The following FRYL variants were observed in gnomAD, a reference collection of about 807,000 sequenced individuals.
FRYL encodes FRY like transcription coactivator.
A neutral mutation model predicts 351.2 loss-of-function variants in FRYL; 150 were observed. The observed-to-expected ratio is 0.43, with a 90% confidence interval of 0.37 to 0.49. FRYL has a LOEUF of 0.49. FRYL is among the 20% of genes least tolerant of loss of function. FRYL has a pLI of 0.00. For synonymous variants in FRYL, 1,153 were observed against 1,257.1 expected, an observed-to-expected ratio of 0.92 and a Z score of 1.75; for missense variants, 3,036 against 3,619.3, an observed-to-expected ratio of 0.84 and a Z score of 4.13.
intron 1 of FRYL, among the ~76,000 whole-genome samples, chr4:48,756,820 C>T (rs756662839): frequency 1.6e-4 from 25 of 152,208 alleles, no homozygotes; most frequent in South Asian, 8.3e-4. Flanking sequence ...TGGTGGCACA[C>T]GCCTGTAGTC....
chr4:48,537,366 G>GT lies in FRYL; in HGVS notation c.6394-1540dup, dbSNP rs1729115543. Among the ~76,000 whole-genome samples, 5 of 152,268 alleles carry GT rather than the reference G, an allele frequency of 3.3e-5. No homozygotes were observed. In the South Asian group the frequency reaches 1.0e-3, roughly 32 times the overall value. ...CAGGTTAAAATACGATCCAAAAAGA[G>GT]TGTGTTTTATAACAAACTTTTTTAG... is the stretch of plus-strand genomic sequence containing the variant. On this transcript the variant is annotated intron_variant, in intron 47 of 63. Transcript: ENST00000358350.
At chr4:48,594,289 C>T (rs1190698332) in intron 15 of FRYL, among the ~76,000 whole-genome samples, 1 of 151,934 alleles carries the variant, frequency 6.6e-6, no homozygotes, top group Non-Finnish European at 1.5e-5. Flanking sequence ...TGAAAGAATT[C>T]CCAGGGTGAC....
Position 48,557,160 on chromosome 4 carries a change from CTAT to C in FRYL, c.4126-45_4126-43del, listed in dbSNP as rs745890708. 9.7e-6 allele frequency: 15 copies of C among 1,543,010 alleles called. No individual in the cohort carries two copies. The African/African-American group carries it at 2.1e-4, about 21-fold the overall frequency. ...CAAAAGATACTTCAGTCATGACTGC[CTAT>C]TATAAAAACCAAACTTGTCATACCA... On this transcript the variant is annotated intron_variant, in intron 34 of 63. Coordinates refer to ENST00000358350, the MANE Select transcript of FRYL (RefSeq NM_015030.2).
intron 19 of FRYL, 96 bp downstream of exon 19, chr4:48,586,525 C>A: frequency 1.3e-6 from 1 of 776,682 alleles, no homozygotes; most frequent in South Asian, 1.5e-5. Flanking sequence ...ATGTCTTTAA[C>A]ATCGCCTTTT....
intron 1 of FRYL, among the ~76,000 whole-genome samples, chr4:48,743,508 T>A (rs765330432): frequency 2.0e-5 from 3 of 152,182 alleles, no homozygotes; most frequent in Non-Finnish European, 4.4e-5. Flanking sequence ...CTCTCACTGG[T>A]AATACCAAGA....
chr4:48,715,445 G>A (rs1768678660), intron 1 of FRYL, among the ~76,000 whole-genome samples: 2 of 152,134 alleles, frequency 1.3e-5, no homozygotes, highest in South Asian at 2.1e-4. Context: ...CAAAATCAAT[G>A]TACAAAAATC....
intron 49 of FRYL, among the ~76,000 whole-genome samples, chr4:48,531,748 CTT>C (rs1432251712): frequency 6.6e-6 from 1 of 152,138 alleles, no homozygotes; most frequent in Non-Finnish European, 1.5e-5. Flanking sequence ...TATTTTAAGT[CTT>C]TGCAGATAAA....
rs1461132938 is a variant in FRYL at position 48,534,558 on chromosome 4, C to G, written c.6692G>C (p.Gly2231Ala). ...GTGGTCACTCACCTGTACATATTTGCCAATAATCTTTATGATCTCCAGATT... is the reference window on the plus strand; with the variant it reads ...GTGGTCACTCACCTGTACATATTTGGCAATAATCTTTATGATCTCCAGATT... ...QFNLEIIKII[G>A]KYVQSPYWKE... The change falls in exon 49 of 64, where the codon GGC becomes GCC. Residue 2231 changes from glycine to alanine, a missense_variant. Physicochemically the swap from Gly to Ala is moderately conservative, Grantham distance 60 (BLOSUM62 0). Coordinates refer to ENST00000358350, the MANE Select transcript of FRYL (RefSeq NM_015030.2). 1.9e-6 allele frequency: 3 copies of G among 1,612,028 alleles called. No individual in the cohort carries two copies. Among genetic ancestry groups the G allele is most frequent in the African/African-American group, 2.7e-5 (2 of 74,914 alleles).
At chr4:48,733,521 G>T (rs148913324) in intron 1 of FRYL, among the ~76,000 whole-genome samples, 2 of 152,120 alleles carry the variant, frequency 1.3e-5, no homozygotes, top group African/African-American at 4.8e-5. Flanking sequence ...GAAAAACTCT[G>T]GAGAAGGAAC....
chr4:48,574,925 A>G (rs1739263726), intron 25 of FRYL, among the ~76,000 whole-genome samples, 192 bp downstream of exon 25: 2 of 152,208 alleles, frequency 1.3e-5, no homozygotes, highest in South Asian at 4.1e-4. Flanking sequence ...AGCTTCCAAT[A>G]AATGTTAATG....
chr4:48,525,827 G>A (rs1357968836), intron 53 of FRYL, among the ~76,000 whole-genome samples: 1 of 151,500 alleles, frequency 6.6e-6, no homozygotes, highest in African/African-American at 2.4e-5. Flanking sequence ...TATATGAGTA[G>A]TATATGTACA....
intron 10 of FRYL, among the ~76,000 whole-genome samples, 174 bp downstream of exon 10, chr4:48,606,264 C>A (rs1386917629): frequency 6.6e-6 from 1 of 151,310 alleles, no homozygotes; most frequent in Non-Finnish European, 1.5e-5. Context: ...CAGAGTGAGA[C>A]TCTGTCTCAA....
At chr4:48,551,941 C>T in intron 36 of FRYL, among the ~76,000 whole-genome samples, 1 of 152,138 alleles carries the variant, frequency 6.6e-6, no homozygotes, top group East Asian at 1.9e-4. Context: ...GGCTGAAAGT[C>T]AATCTATTTT....
intron 16 of FRYL, among the ~76,000 whole-genome samples, chr4:48,593,403 G>A (rs1743927906): frequency 1.3e-5 from 2 of 151,890 alleles, no homozygotes; most frequent in Admixed American, 1.3e-4. Flanking sequence ...GGAGTGCAAT[G>A]GCTTGATCTC....
At chr4:48,665,727 T>C (rs982728158) in intron 3 of FRYL, among the ~76,000 whole-genome samples, 2 of 152,182 alleles carry the variant, frequency 1.3e-5, no homozygotes, top group Admixed American at 1.3e-4. Flanking sequence ...GTTTTGAGCA[T>C]GAAGTAGGTA....
intron 3 of FRYL, among the ~76,000 whole-genome samples, chr4:48,640,314 A>G (rs1019993810): frequency 6.6e-6 from 1 of 152,182 alleles, no homozygotes; most frequent in East Asian, 1.9e-4. Flanking sequence ...ACAATGAAAT[A>G]TTATTCAGTG....
At chr4:48,777,776 A>C (rs1369510675) in intron 1 of FRYL, among the ~76,000 whole-genome samples, 1 of 152,230 alleles carries the variant, frequency 6.6e-6, no homozygotes, top group Non-Finnish European at 1.5e-5. Flanking sequence ...TTTTATTATG[A>C]GATGGGAAGG....
intron 2 of FRYL, among the ~76,000 whole-genome samples, chr4:48,688,026 G>A (rs1015248883): frequency 3.3e-5 from 5 of 151,950 alleles, no homozygotes; most frequent in African/African-American, 1.2e-4. Flanking sequence ...AAAAGATTAT[G>A]GTAAATTACC....
intron 9 of FRYL, among the ~76,000 whole-genome samples, chr4:48,607,062 T>C (rs1401874476): frequency 1.3e-5 from 2 of 152,174 alleles, no homozygotes; most frequent in Admixed American, 6.5e-5. Flanking sequence ...GTACTAATTA[T>C]CACTTAAAAT....
Sources: allele counts gnomAD v4.1 joint callset (sites outside exome capture counted in the v4.1 genomes callset), GRCh38; gene constraint gnomAD v4.1.1; transcripts MANE v1.5; gene names NCBI Gene and HGNC (gene_info 2026-07-23, HGNC 2026-07-21).